SREBF1: variants seen among roughly 807,000 people sequenced by gnomAD.
SREBF1 encodes sterol regulatory element binding transcription factor 1, also known as sterol regulatory element-binding protein 1.
In SREBF1, 45 loss-of-function variants were observed where a neutral mutation model predicts 100.1. The ratio of observed to expected loss-of-function variants is 0.45; its 90% CI spans 0.35 to 0.58. SREBF1 has a LOEUF of 0.58. Ranked by LOEUF, SREBF1 falls within the 20% of genes least tolerant of loss-of-function variation. The pLI is 0.00. For synonymous variants in SREBF1, 657 were observed against 681.8 expected (o/e 0.96, Z 0.57); for missense variants, 1,324 against 1,539.4 (o/e 0.86, Z 2.34).
At chr17:17,813,831 G>T in intron 16 of SREBF1, 62 bp from the exon 17 acceptor site, 1 of 1,488,290 alleles carries the variant, frequency 6.7e-7, no homozygotes, top group African/African-American at 1.4e-5. Flanking sequence ...GCAGGATGGG[G>T]GCCCGTGGTG....
rs766450111 is a variant in SREBF1 at position 17,823,664 on chromosome 17, C to CG, written c.92-3144_92-3143insC. 1.5e-3 allele frequency: 1,928 copies of CG among 1,276,088 alleles called. 6 individuals are homozygous for CG. The highest frequency in any genetic ancestry group is 1.7e-3 in the Non-Finnish European group (1,557 of 942,114). 79.0% of individuals were successfully genotyped at this position (1,276,088 alleles called of 1,614,324 possible). On this transcript the variant is annotated intron_variant, in intron 1 of 18. Transcript: ENST00000261646. ...TGAGCGCTGCGGCGCGCCCGCCCCG[C>CG]CCCGCCCCGCCCCCAGCCCCGCCCC...
intron 13 of SREBF1, 28 bp downstream of exon 13, chr17:17,815,193 G>C: frequency 2.5e-5 from 40 of 1,597,286 alleles, no homozygotes; most frequent in Non-Finnish European, 3.4e-5. Flanking sequence ...GAGGGGCCTT[G>C]CCTGGAGGAG....
intron 1 of SREBF1, among the ~76,000 whole-genome samples, chr17:17,827,961 AC>A (rs1223649329): frequency 6.6e-6 from 1 of 150,614 alleles, no homozygotes; most frequent in East Asian, 2.0e-4. Flanking sequence ...CCTAACCACC[AC>A]CCCCCCAGAC....
intron 1 of SREBF1, among the ~76,000 whole-genome samples, chr17:17,831,633 G>T (rs1175070227): frequency 6.6e-6 from 1 of 152,174 alleles, no homozygotes; most frequent in African/African-American, 2.4e-5. Flanking sequence ...TTAATCCTCA[G>T]CAGGGAGGTG....
At chr17:17,827,793 T>C (rs1352116323) in intron 1 of SREBF1, among the ~76,000 whole-genome samples, 2 of 152,160 alleles carry the variant, frequency 1.3e-5, no homozygotes, top group Non-Finnish European at 2.9e-5. Context: ...CCCCAGCCTG[T>C]GGGGGACAGC....
chr17:17,834,694 C>T (rs1171923904), intron 1 of SREBF1, among the ~76,000 whole-genome samples: 4 of 152,184 alleles, frequency 2.6e-5, no homozygotes, highest in African/African-American at 9.6e-5. Context: ...TGTATCAGAC[C>T]TCTGGCCCAG....
chr17:17,815,132 C>G, intron 13 of SREBF1, 89 bp downstream of exon 13: 2 of 1,375,844 alleles, frequency 1.5e-6, no homozygotes, highest in Non-Finnish European at 2.1e-6. Flanking sequence ...TAGCCCAGCT[C>G]TGGGCTCTCT....
At chr17:17,813,031 T>A in intron 18 of SREBF1, 180 bp from the exon 19 acceptor site, 1 of 619,310 alleles carries the variant, frequency 1.6e-6, no homozygotes, top group East Asian at 2.8e-5. Context: ...GTCCACAGAC[T>A]GAGTCACGCA....
chr17:17,822,059 C>A (rs1567979243), intron 1 of SREBF1, among the ~76,000 whole-genome samples: 1 of 152,194 alleles, frequency 6.6e-6, no homozygotes, highest in African/African-American at 2.4e-5. Context: ...GACTCCAATG[C>A]CCCAACCACT....
intron 5 of SREBF1, 41 bp from the exon 6 acceptor site, chr17:17,818,415 G>A (rs1366044668): frequency 6.6e-7 from 1 of 1,517,412 alleles, no homozygotes; most frequent in Non-Finnish European, 9.1e-7. Flanking sequence ...CAGGTGGCCT[G>A]TCAGGTCGGG....
rs78736935 is a variant in SREBF1 at position 17,817,530 on chromosome 17, G to A, written c.1405-73C>T. ...GAGAGCATGGGGCTGGGAAGGGGGG[G>A]GTCAGGATTCTGCCCACCTTACTGT... On this transcript the variant is annotated intron_variant, in intron 7 of 18. Coordinates refer to ENST00000261646, the MANE Select transcript of SREBF1 (RefSeq NM_004176.5). The surrounding 1 kb of genome is among the most constrained non-coding windows in gnomAD (Gnocchi z 6.6). The A allele has an allele frequency of 3.5e-4, 544 of 1,538,998 alleles. 1 individual carries two copies. The African/African-American group carries it at 5.1e-3, about 14-fold the overall frequency.
chr17:17,816,188 A>AC lies in SREBF1; in HGVS notation c.2214+18_2214+19insG. ...GAGAGAGCTGCAGGGATAAGCCCCC[A>AC]GCCCCCCAACCCACTCACTGTCAGA... On this transcript the variant is annotated intron_variant, in intron 11 of 18. Transcript: ENST00000261646. The AC allele has an allele frequency of 3.8e-6, 3 of 789,260 alleles. No homozygotes were observed. Among genetic ancestry groups the AC allele is most frequent in the South Asian group, 5.2e-5 (2 of 38,802 alleles). The allele number at this position is 789,260 out of a possible 1,614,324, so 48.9% of individuals were successfully genotyped here. A position where few individuals can be genotyped will look rare whatever the true frequency, so the allele number is the denominator to read the frequency against.
At position 17,817,915 on chromosome 17, in the gene SREBF1, T is replaced by C. The variant is rs758976021; in HGVS notation, c.1185A>G (p.Lys395=). The C allele has an allele frequency of 4.4e-6, 7 of 1,600,466 alleles. No individual in the cohort carries two copies. The Admixed American group carries it at 1.2e-4, about 27-fold the overall frequency. ...AGGCCGACACCAGATCCTTCAGAGA[T>C]TCTGTGGGCCGAAAGGAACAGAGCC... ...LSLRTAVHKS[K]SLKDLVSACG... Residue 395 remains lysine, a splice_region_variant and synonymous_variant, in exon 7 of 19, where the codon AAA becomes AAG. Coordinates refer to ENST00000261646, the MANE Select transcript of SREBF1 (RefSeq NM_004176.5). The surrounding 1 kb of genome is among the most constrained non-coding windows in gnomAD (Gnocchi z 6.6).
At position 17,836,819 on chromosome 17, in the gene SREBF1, G is replaced by A; in HGVS notation, c.-2C>T. The A allele has an allele frequency of 6.6e-7, 1 of 1,526,298 alleles. No individual in the cohort carries two copies. The highest frequency in any genetic ancestry group is 8.7e-7 in the Non-Finnish European group (1 of 1,143,358). The allele number at this position is 1,526,298 out of a possible 1,614,324, so 94.5% of individuals were successfully genotyped here. ...CTCGCTGAAGGGTGGCTCGTCCATGGCGCAGCCGCCTCCTCCGGGAGGCCC... is the reference window on the plus strand; with the variant it reads ...CTCGCTGAAGGGTGGCTCGTCCATGACGCAGCCGCCTCCTCCGGGAGGCCC... On this transcript the variant is annotated 5_prime_UTR_variant, in exon 1 of 19. Transcript: ENST00000261646.
At chr17:17,821,573 C>T (rs2034104846) in intron 1 of SREBF1, among the ~76,000 whole-genome samples, 1 of 152,180 alleles carries the variant, frequency 6.6e-6, no homozygotes, top group Admixed American at 6.5e-5. Context: ...AACTTAGAAA[C>T]TGCTGAGGAG....
Position 17,829,807 on chromosome 17 carries a change from T to C in SREBF1, c.91+6920A>G, listed in dbSNP as rs143109118. 2.0e-3 allele frequency among the ~76,000 whole-genome samples: 304 copies of C among 152,294 alleles called. 8 individuals carry two copies. The East Asian group carries it at 0.05, about 25-fold the overall frequency. ...CTGGGACGACAGGCACACTCCACCA[T>C]GCCAAGCTAATTTTTTTAGTTTGGG... On this transcript the variant is annotated intron_variant, in intron 1 of 18. Transcript: ENST00000261646.
chr17:17,827,964 C>G (rs1055617132), intron 1 of SREBF1, among the ~76,000 whole-genome samples: 25 of 152,232 alleles, frequency 1.6e-4, no homozygotes, highest in Non-Finnish European at 2.4e-4. Context: ...AACCACCACC[C>G]CCCCAGACCT....
In SREBF1 at chr17:17,813,730, G is replaced by A. The variant is rs1205933932; in HGVS notation, c.2941C>T (p.Arg981Cys). The A allele has an allele frequency of 5.9e-6, 9 of 1,535,690 alleles. No homozygotes were observed. Among genetic ancestry groups the A allele is most frequent in the Admixed American group, 2.0e-5 (1 of 51,050 alleles). ...LFLCDLLLVV[R>C]TSLWRQQQPP... ...TGCTGCTGCCGCCACAGGCTGGTGC[G>A]CACCACAAGAAGCAGGTCACACAGG... is the stretch of plus-strand genomic sequence containing the variant. The change falls in exon 17 of 19, where the codon CGC (arginine) becomes TGC (cysteine). Residue 981 changes from arginine to cysteine, a missense_variant. Physicochemically the swap from Arg to Cys is radical, Grantham distance 180. Coordinates refer to ENST00000261646, the MANE Select transcript of SREBF1 (RefSeq NM_004176.5).
Position 17,812,688 on chromosome 17 carries a change from C to T in SREBF1, c.3378G>A (p.Arg1126=). 1 of 1,606,334 alleles carries T rather than the reference C, an allele frequency of 6.2e-7. No homozygotes were observed. The highest frequency in any genetic ancestry group is 8.5e-7 in the Non-Finnish European group (1 of 1,176,862). The change falls in exon 19 of 19, where the codon CGG becomes CGA. Residue 1126 remains arginine, a synonymous_variant. Coordinates refer to ENST00000261646, the MANE Select transcript of SREBF1 (RefSeq NM_004176.5). ...ARTLEKLGDR[R]LLHDCQQMLM... ...GCATCTGCTGACAGTCGTGCAGCAG[C>T]CGGCGATCGCCAAGCTTCTCGAGTG... is the stretch of plus-strand genomic sequence containing the variant.
Sources: gnomAD v4.1 joint callset for allele counts (sites outside exome capture counted in the v4.1 genomes callset) on GRCh38, gnomAD v4.1.1 for gene constraint, Gnocchi (gnomAD v3.1) non-coding constraint, MANE v1.5 for transcripts, NCBI Gene and HGNC (gene_info 2026-07-23, HGNC 2026-07-21) for gene names.